Variants in HERC2 observed in about 807,000 individuals in gnomAD.
HERC2 encodes E3 ubiquitin-protein ligase HERC2.
HERC2 carries 102 observed loss-of-function variants against 537.7 expected under a neutral mutation model. The ratio of observed to expected loss-of-function variants is 0.19; its 90% CI spans 0.16 to 0.22. The LOEUF is 0.22. Ranked by LOEUF, HERC2 falls within the 10% of genes least tolerant of loss-of-function variation. The probability of loss-of-function intolerance (pLI) is 1.00; values close to 1 mark genes in which losing one functional copy is unlikely to be tolerated. For missense variants in HERC2, 4,236 were observed against 6,198.2 expected, an observed-to-expected ratio of 0.68 and a Z score of 10.63; for synonymous variants, 2,224 against 2,466.2, an observed-to-expected ratio of 0.90 and a Z score of 2.91.
chr15:28,273,247 C>CT lies in HERC2; in HGVS notation c.801-244dup, dbSNP rs2075787711. ...ATACTATATTACAGTAGATGACATA[C>CT]TCCATGTATATGAAGCATAAAATAA... On this transcript the variant is annotated intron_variant, in intron 7 of 92. Coordinates refer to ENST00000261609, the MANE Select transcript of HERC2 (RefSeq NM_004667.6). The CT allele has an allele frequency of 1.3e-4, 74 of 563,656 alleles. No individual in the cohort carries two copies. The South Asian group carries it at 1.5e-3, about 12-fold the overall frequency. The allele number at this position is 563,656 out of a possible 1,614,324, so 34.9% of individuals were successfully genotyped here.
chr15:28,254,405 C>T lies in HERC2; in HGVS notation c.2985G>A (p.Thr995=), dbSNP rs748354099. ...RTPLDKDLIN[T]GICESSGKQC... ...GTTTGCCAGAAGACTCACAGATCCC[C>T]GTATTAATAAGGTCTTTATCCAGTG... is the stretch of plus-strand genomic sequence containing the variant. Residue 995 remains threonine (T), a synonymous_variant, in exon 20 of 93, where the codon ACG becomes ACA. Coordinates refer to ENST00000261609, the MANE Select transcript of HERC2 (RefSeq NM_004667.6). 5.6e-6 allele frequency: 9 copies of T among 1,608,452 alleles called. No homozygotes were observed. The highest frequency in any genetic ancestry group is 5.4e-5 in the African/African-American group (4 of 74,676).
Position 28,274,321 on chromosome 15 carries a change from G to A in HERC2, c.770C>T (p.Ala257Val), listed in dbSNP as rs2075815529. 18 of 1,614,178 alleles carry A rather than the reference G, an allele frequency of 1.1e-5. No individual in the cohort carries two copies. Among genetic ancestry groups the A allele is most frequent in the Non-Finnish European group, 1.3e-5 (15 of 1,180,008 alleles). Reference sequence around the variant, plus strand: ...CACGACGGACCTGAGGAACCTGGTCGCTCTCTCCACCACCTCCAGCCACAC... The same window carrying A: ...CACGACGGACCTGAGGAACCTGGTCACTCTCTCCACCACCTCCAGCCACAC... ...SSVWLEVVER[A>V]TRFLRSVVTG... is the part of the protein sequence containing the mutation. Residue 257 changes from alanine (A) to valine (V), a missense_variant, in exon 7 of 93, where the codon GCG becomes GTG. Transcript: ENST00000261609.
intron 17 of HERC2, among the ~76,000 whole-genome samples, chr15:28,256,841 G>T (rs547644238): frequency 6.6e-6 from 1 of 152,126 alleles, no homozygotes; most frequent in Admixed American, 6.5e-5. Flanking sequence ...TGATCCACCC[G>T]CCCAGGCCTC....
chr15:28,239,905 T>C (rs1177839877), intron 23 of HERC2, among the ~76,000 whole-genome samples: 1 of 152,164 alleles, frequency 6.6e-6, no homozygotes, highest in African/African-American at 2.4e-5. Context: ...TGTCAAGCAA[T>C]GTCAACACAG....
chr15:28,252,896 C>A (rs2075129201), intron 20 of HERC2, among the ~76,000 whole-genome samples: 1 of 152,180 alleles, frequency 6.6e-6, no homozygotes, highest in African/African-American at 2.4e-5. Flanking sequence ...AGCAGGCCCA[C>A]CCCACGCCAC....
Position 28,229,846 on chromosome 15 carries a change from T to A in HERC2, c.4811A>T (p.Asp1604Val), listed in dbSNP as rs368900932. 14 of 1,191,968 alleles carry A rather than the reference T, an allele frequency of 1.2e-5. No homozygotes were observed. Among genetic ancestry groups the A allele is most frequent in the Non-Finnish European group, 1.7e-5 (14 of 803,462 alleles). 73.8% of individuals were successfully genotyped at this position (1,191,968 alleles called of 1,614,324 possible). A position where few individuals can be genotyped will look rare whatever the true frequency, so the allele number is the denominator to read the frequency against. Reference sequence around the variant, plus strand: ...AGTACTCAACAGCGGCTGCCATTTGTCCTAACAAAGGAAAACAATTTTCAT... The same window carrying A: ...AGTACTCAACAGCGGCTGCCATTTGACCTAACAAAGGAAAACAATTTTCAT... ...KRPIAIKSPK[D>V]KWQPLLSTVT... is the part of the protein sequence containing the mutation. The change falls in exon 32 of 93, where the codon GAC (aspartate) becomes GTC (valine). Residue 1604 changes from aspartate (D) to valine (V), a missense_variant and splice_region_variant. By Grantham distance (152) the Asp-to-Val change is radical (BLOSUM62 -3). This residue lies in a region of HERC2 where 343 missense variants were observed against 417.2 expected (regional missense o/e 0.82). Coordinates refer to ENST00000261609, the MANE Select transcript of HERC2 (RefSeq NM_004667.6).
At chr15:28,186,554 C>T in intron 56 of HERC2, 23 bp downstream of exon 56, 1 of 1,595,666 alleles carries the variant, frequency 6.3e-7, no homozygotes, top group Admixed American at 1.7e-5. Flanking sequence ...GGTAAGTGAG[C>T]ACCTGTAACA....
chr15:28,208,154 G>C (rs1221225074), intron 44 of HERC2, among the ~76,000 whole-genome samples: 1 of 152,066 alleles, frequency 6.6e-6, no homozygotes, highest in South Asian at 2.1e-4. Flanking sequence ...ACTTTCAATT[G>C]ATTTCTTTCA....
At position 28,111,533 on chromosome 15, in the gene HERC2, T is replaced by C. The variant is rs1380906032; in HGVS notation, c.*230A>G. On this transcript the variant is annotated 3_prime_UTR_variant, in exon 93 of 93. Coordinates refer to ENST00000261609, the MANE Select transcript of HERC2 (RefSeq NM_004667.6). ...CACAGTCCTACATGTAATGCAGCAT[T>C]ACGGGTGAGAAGACCCTTGGAAGTC... 3 of 578,202 alleles carry C rather than the reference T, an allele frequency of 5.2e-6. No homozygotes were observed. The highest frequency in any genetic ancestry group is 9.2e-6 in the Non-Finnish European group (3 of 325,862). 35.8% of individuals were successfully genotyped at this position (578,202 alleles called of 1,614,324 possible).
intron 44 of HERC2, among the ~76,000 whole-genome samples, chr15:28,208,170 A>G (rs184507886): frequency 6.6e-6 from 1 of 152,150 alleles, no homozygotes; most frequent in Non-Finnish European, 1.5e-5. Flanking sequence ...TTTCATCCTC[A>G]GCAGGTTTAA....
In HERC2 at chr15:28,116,671, A is replaced by C; in HGVS notation, c.13603T>G (p.Phe4535Val). ...RAPVHSSMFRFLGVLLGIAIR... is the reference protein window; with the variant it reads ...RAPVHSSMFRVLGVLLGIAIR... ...AAGCGGCCGAGAAGCTCACCCAGGA[A>C]GCGGAACATGCTGCTGTGCACGGGT... The change falls in exon 88 of 93, where the codon TTC becomes GTC. Residue 4535 changes from phenylalanine to valine, a missense_variant. Physicochemically the swap from Phe to Val is conservative, Grantham distance 50. Transcript: ENST00000261609. The C allele has an allele frequency of 6.2e-7, 1 of 1,607,258 alleles. No homozygotes were observed. Among genetic ancestry groups the C allele is most frequent in the South Asian group, 1.1e-5 (1 of 90,728 alleles).
chr15:28,241,578 T>C (rs12595630), intron 23 of HERC2, among the ~76,000 whole-genome samples: 10,532 of 152,228 alleles, frequency 0.069, 885 homozygotes, highest in East Asian at 0.42. Flanking sequence ...TCCCATCACT[T>C]TGGGAGGCCG....
At chr15:28,181,241 C>T (rs186741824) in intron 57 of HERC2, among the ~76,000 whole-genome samples, 1 of 152,246 alleles carries the variant, frequency 6.6e-6, no homozygotes, top group African/African-American at 2.4e-5. Flanking sequence ...CGTGGAACAC[C>T]GACTCTGTCC....
At chr15:28,273,208 A>G (rs1235165099) in intron 7 of HERC2, 3 of 603,190 alleles carry the variant, frequency 5.0e-6, no homozygotes, top group Non-Finnish European at 5.9e-6. Context: ...ATTTTATTTA[A>G]AGTGTTCACT....
chr15:28,300,838 A>G (rs2076602010), intron 2 of HERC2, among the ~76,000 whole-genome samples: 1 of 137,622 alleles, frequency 7.3e-6, no homozygotes, highest in Non-Finnish European at 1.5e-5. Flanking sequence ...AAAAAAAAAA[A>G]AAAAAAAAAA....
intron 69 of HERC2, among the ~76,000 whole-genome samples, chr15:28,157,659 C>T (rs2142388944): frequency 6.6e-6 from 1 of 152,282 alleles, no homozygotes; most frequent in East Asian, 1.9e-4. Context: ...TGCTAGAGAT[C>T]TATCAATTTT....
At chr15:28,223,877 C>A (rs550145333) in intron 35 of HERC2, among the ~76,000 whole-genome samples, 1 of 152,110 alleles carries the variant, frequency 6.6e-6, no homozygotes, top group African/African-American at 2.4e-5. Flanking sequence ...TGAATACTAT[C>A]AACAGAACAA....
intron 69 of HERC2, among the ~76,000 whole-genome samples, chr15:28,159,688 T>C (rs1438767775): frequency 1.3e-5 from 2 of 152,226 alleles, no homozygotes; most frequent in Non-Finnish European, 2.9e-5. Flanking sequence ...CTTCCTCCTT[T>C]AGCTCGGAGA....
At position 28,142,477 on chromosome 15, in the gene HERC2, C is replaced by T. The variant is rs926890211; in HGVS notation, c.11545-84G>A. 9 of 1,372,692 alleles carry T rather than the reference C, an allele frequency of 6.6e-6. No homozygotes were observed. The East Asian group carries it at 2.0e-4, about 30-fold the overall frequency. 85.0% of individuals were successfully genotyped at this position (1,372,692 alleles called of 1,614,324 possible). On this transcript the variant is annotated intron_variant, in intron 75 of 92. Transcript: ENST00000261609. ...GGTTTCTGTGGCTCCTTCCGCAGGA[C>T]CTCCTATTCCAGGATGACGGCCATG...
Sources: allele counts gnomAD v4.1 joint callset (sites outside exome capture counted in the v4.1 genomes callset), GRCh38; gene constraint gnomAD v4.1.1; regional missense constraint gnomAD v4.1.1; transcripts MANE v1.5; gene names NCBI Gene and HGNC (gene_info 2026-07-23, HGNC 2026-07-21).